Variants in TP53AIP1 observed in about 807,000 individuals in gnomAD.
The protein encoded by TP53AIP1 is p53-regulated apoptosis-inducing protein 1.
A neutral mutation model predicts 9.5 loss-of-function variants in TP53AIP1; 14 were observed. That is an observed-to-expected ratio of 1.47 (90% CI 0.97 to 2.30). The LOEUF (loss-of-function observed/expected upper bound fraction) is 2.30. TP53AIP1 is among the 30% of genes most tolerant of loss of function. The probability of loss-of-function intolerance (pLI) is 0.00; values close to 1 mark genes in which losing one functional copy is unlikely to be tolerated. For synonymous variants in TP53AIP1, 73 were observed against 61.2 expected (o/e 1.19, Z -0.90); for missense variants, 153 against 146.7 (o/e 1.04, Z -0.22).
chr11:128,942,023 C>T (rs549705336), intron 1 of TP53AIP1, among the ~76,000 whole-genome samples: 1 of 140,860 alleles, frequency 7.1e-6, no homozygotes, highest in African/African-American at 2.5e-5. Flanking sequence ...CATCAATCTT[C>T]TGGGGGGCTG....
downstream of TP53AIP1, chr11:128,935,250 G>A (rs755921097): frequency 1.6e-4 from 231 of 1,421,480 alleles, no homozygotes; most frequent in Middle Eastern, 1.0e-3. Flanking sequence ...GCCCTCGGGC[G>A]TGCCATAGCT....
Position 128,937,648 on chromosome 11 carries a change from A to C in TP53AIP1, c.141+30T>G, listed in dbSNP as rs567283204. ...TGCCCGGGGCTGTGGCAGGCAAAAG[A>C]CCGTCTCGGTTTTCACTGCAGGGAC... is the stretch of plus-strand genomic sequence containing the variant. On this transcript the variant is annotated intron_variant, in intron 2 of 3. Coordinates refer to ENST00000531399, the MANE Select transcript of TP53AIP1 (RefSeq NM_022112.3). The surrounding 1 kb of genome is among the most constrained non-coding windows in gnomAD (Gnocchi z 4.8). 2 of 1,613,888 alleles carry C rather than the reference A, an allele frequency of 1.2e-6. No homozygotes were observed. Among genetic ancestry groups the C allele is most frequent in the Admixed American group, 3.3e-5 (2 of 60,006 alleles).
At chr11:128,941,816 C>T (rs185924010) in intron 1 of TP53AIP1, among the ~76,000 whole-genome samples, 188 of 152,350 alleles carry the variant, frequency 1.2e-3, no homozygotes, top group African/African-American at 4.5e-3. Flanking sequence ...GCCGCCCCCA[C>T]CCACCTTCCC....
chr11:128,937,572 C>T lies in TP53AIP1; in HGVS notation c.141+106G>A. On this transcript the variant is annotated intron_variant, in intron 2 of 3. Transcript: ENST00000531399. The surrounding 1 kb of genome is among the most constrained non-coding windows in gnomAD (Gnocchi z 4.8). The stretch of plus-strand genomic sequence containing the variant: ...GAGGACCCAGATGCTGTCACTGGGT[C>T]CTGGTGAGTCTGAAAACTTGGGATG... 1 of 1,614,124 alleles carries T rather than the reference C, an allele frequency of 6.2e-7. No homozygotes were observed. Among genetic ancestry groups the T allele is most frequent in the Non-Finnish European group, 8.5e-7 (1 of 1,180,032 alleles).
At chr11:128,940,728 G>A (rs969433826) in intron 1 of TP53AIP1, among the ~76,000 whole-genome samples, 6 of 152,204 alleles carry the variant, frequency 3.9e-5, no homozygotes, top group Admixed American at 3.9e-4. Flanking sequence ...CAGCTGGAAT[G>A]TCAGTTTGCA....
chr11:128,937,139 C>G lies in TP53AIP1; in HGVS notation c.142-490G>C, dbSNP rs1000012854. On this transcript the variant is annotated intron_variant, in intron 2 of 3. Coordinates refer to ENST00000531399, the MANE Select transcript of TP53AIP1 (RefSeq NM_022112.3). The surrounding 1 kb of genome is among the most constrained non-coding windows in gnomAD (Gnocchi z 4.8). ...TGAATGCATGGCCCCTGCATCCTTA[C>G]CCCCTCCTCAGAGCCCACAAGCTTC... 1 of 1,079,532 alleles carries G rather than the reference C, an allele frequency of 9.3e-7. No homozygotes were observed. 66.9% of individuals were successfully genotyped at this position (1,079,532 alleles called of 1,614,324 possible).
rs374389603 is a variant in TP53AIP1 at position 128,936,604 on chromosome 11, G to A, written c.187C>T (p.Arg63Trp). ...VLGAQVHGGC[R>W]GIEALSVSSG... is the part of the protein sequence containing the mutation. The stretch of plus-strand genomic sequence containing the variant: ...GAGACTGACAGAGCTTCTATTCCCC[G>A]GCACCCTCCGTGAACTTGGGCACCC... Residue 63 changes from arginine to tryptophan, a missense_variant, in exon 3 of 4, where the codon CGG becomes TGG. Physicochemically the swap from Arg to Trp is moderately radical, Grantham distance 101. Transcript: ENST00000531399. The A allele has an allele frequency of 1.1e-4, 167 of 1,588,532 alleles. No homozygotes were observed. The highest frequency in any genetic ancestry group is 2.7e-4 in the Admixed American group (16 of 58,928).
At chr11:128,941,000 T>G (rs1944929128) in intron 1 of TP53AIP1, among the ~76,000 whole-genome samples, 1 of 147,146 alleles carries the variant, frequency 6.8e-6, no homozygotes, top group African/African-American at 2.5e-5. Context: ...TTGAGACTCC[T>G]GAAGTGAGAG....
Position 128,936,809 on chromosome 11 carries a change from C to T in TP53AIP1, c.142-160G>A, listed in dbSNP as rs988521333. On this transcript the variant is annotated intron_variant, in intron 2 of 3. Coordinates refer to ENST00000531399, the MANE Select transcript of TP53AIP1 (RefSeq NM_022112.3). ...CACTCAGGTTCCCATGGAAACCAAA[C>T]TGGGACAGGAGGAACAAAAGGCTCC... The T allele has an allele frequency of 7.0e-6, 10 of 1,429,812 alleles. No individual in the cohort carries two copies. The Admixed American group carries it at 2.4e-4, about 34-fold the overall frequency. The allele number at this position is 1,429,812 out of a possible 1,614,324, so 88.6% of individuals were successfully genotyped here.
At chr11:128,935,952 A>G in intron 3 of TP53AIP1, 1 of 1,209,006 alleles carries the variant, frequency 8.3e-7, no homozygotes, top group African/African-American at 1.6e-5. Context: ...AAAATATGCT[A>G]ATGATAACAG....
In TP53AIP1 at chr11:128,939,821, T is replaced by C. The variant is rs553261722; in HGVS notation, c.-76-1927A>G. ...TGGATGATGTTTCTGACTCATACTC[T>C]GGCTTTAAAATCAAAGTGTTTGTTA... On this transcript the variant is annotated intron_variant, in intron 1 of 3. Coordinates refer to ENST00000531399, the MANE Select transcript of TP53AIP1 (RefSeq NM_022112.3). The surrounding 1 kb of genome is among the most constrained non-coding windows in gnomAD (Gnocchi z 4.1). 1.2e-4 allele frequency among the ~76,000 whole-genome samples: 18 copies of C among 152,364 alleles called. No individual in the cohort carries two copies. The South Asian group carries it at 3.7e-3, about 32-fold the overall frequency.
chr11:128,936,262 C>G (rs1944821403), intron 3 of TP53AIP1: 1 of 1,187,820 alleles, frequency 8.4e-7, no homozygotes, highest in Non-Finnish European at 1.0e-6. Flanking sequence ...CATCCTATGG[C>G]CCATTCCAGA....
rs1224560238 is a variant in TP53AIP1, at chr11:128,937,849, G to T, written c.-31C>A. 2 of 1,576,210 alleles carry T rather than the reference G, an allele frequency of 1.3e-6. No individual in the cohort carries two copies. Among genetic ancestry groups the T allele is most frequent in the Non-Finnish European group, 1.7e-6 (2 of 1,162,524 alleles). On this transcript the variant is annotated 5_prime_UTR_variant, in exon 2 of 4. Transcript: ENST00000531399. The surrounding 1 kb of genome is among the most constrained non-coding windows in gnomAD (Gnocchi z 4.8). Reference sequence around the variant, plus strand: ...GGAGGCCCTGTCTGCAGAAAGCAGAGAACTTGGCTTCTCCTCATTTGTTGT... The same window carrying T: ...GGAGGCCCTGTCTGCAGAAAGCAGATAACTTGGCTTCTCCTCATTTGTTGT...
chr11:128,939,180 C>T lies in TP53AIP1; in HGVS notation c.-76-1286G>A. On this transcript the variant is annotated intron_variant, in intron 1 of 3. Coordinates refer to ENST00000531399, the MANE Select transcript of TP53AIP1 (RefSeq NM_022112.3). The surrounding 1 kb of genome is among the most constrained non-coding windows in gnomAD (Gnocchi z 4.1). ...CACGGCTTCAATACCAGGATTGAGC[C>T]CAAAGGTCACGTTCTTTCCCTGCGG... 6.6e-6 allele frequency among the ~76,000 whole-genome samples: 1 copy of T among 152,136 alleles called. No individual in the cohort carries two copies. The highest frequency in any genetic ancestry group is 1.9e-4 in the East Asian group (1 of 5,200).
downstream of TP53AIP1, chr11:128,935,038 T>C (rs1944782984): frequency 1.4e-6 from 1 of 703,378 alleles, no homozygotes; most frequent in African/African-American, 1.7e-5. Flanking sequence ...GGCAAGCTCT[T>C]ACTGCACTGA....
At chr11:128,941,237 C>T (rs181026539) in intron 1 of TP53AIP1, among the ~76,000 whole-genome samples, 19 of 152,312 alleles carry the variant, frequency 1.2e-4, no homozygotes, top group East Asian at 5.8e-4. Context: ...CTTCTTGCCC[C>T]GCTCTGTGCC....
In TP53AIP1 at chr11:128,939,620, A is replaced by G. The variant is rs906015364; in HGVS notation, c.-76-1726T>C. On this transcript the variant is annotated intron_variant, in intron 1 of 3. Transcript: ENST00000531399. This position sits in a 1 kb window ranked among gnomAD's most constrained non-coding sequence, Gnocchi z 4.1. ...ATGCACTGCCTTACTGTCCAGACAG[A>G]ACAAAAGGGATCCCCTTTCCAACCC... Among the ~76,000 whole-genome samples, 1 of 152,188 alleles carries G rather than the reference A, an allele frequency of 6.6e-6. No individual in the cohort carries two copies. Among genetic ancestry groups the G allele is most frequent in the African/African-American group, 2.4e-5 (1 of 41,448 alleles).
At chr11:128,941,613 G>A (rs1024034950) in intron 1 of TP53AIP1, among the ~76,000 whole-genome samples, 4 of 152,208 alleles carry the variant, frequency 2.6e-5, no homozygotes, top group South Asian at 4.1e-4. Flanking sequence ...CCCCGGTTCC[G>A]ACATTTCTTT....
In TP53AIP1 at chr11:128,937,489, C is replaced by A. The variant is rs552107384; in HGVS notation, c.141+189G>T. Reference sequence around the variant, plus strand: ...TTCCTCTTGGGACTATTGATCAGGGCTGTCAGTTCCCAGCTCTGTCCAATG... The same window carrying A: ...TTCCTCTTGGGACTATTGATCAGGGATGTCAGTTCCCAGCTCTGTCCAATG... On this transcript the variant is annotated intron_variant, in intron 2 of 3. Coordinates refer to ENST00000531399, the MANE Select transcript of TP53AIP1 (RefSeq NM_022112.3). The surrounding 1 kb of genome is among the most constrained non-coding windows in gnomAD (Gnocchi z 4.8). The A allele has an allele frequency of 1.3e-6, 2 of 1,575,932 alleles. No homozygotes were observed. The highest frequency in any genetic ancestry group is 1.7e-6 in the Non-Finnish European group (2 of 1,157,142).
Sources: allele counts gnomAD v4.1 joint callset (sites outside exome capture counted in the v4.1 genomes callset), GRCh38; gene constraint gnomAD v4.1.1; non-coding constraint Gnocchi (gnomAD v3.1); transcripts MANE v1.5; gene names NCBI Gene and HGNC (gene_info 2026-07-23, HGNC 2026-07-21).